NKAIN3: variants seen among roughly 807,000 people sequenced by gnomAD.
NKAIN3 encodes sodium/potassium-transporting ATPase subunit beta-1-interacting protein 3.
A neutral mutation model predicts 30.2 loss-of-function variants in NKAIN3; 25 were observed. The observed-to-expected ratio is 0.83, with a 90% CI of 0.60 to 1.16. The LOEUF is 1.16. NKAIN3 is among the 50% of genes most tolerant of loss of function. NKAIN3 has a pLI of 0.00. For missense variants in NKAIN3, 225 were observed against 254.1 expected (o/e 0.89, Z 0.78); for synonymous variants, 91 against 89.6 (o/e 1.02, Z -0.09).
At chr8:62,918,886 A>G (rs903068137) in intron 5 of NKAIN3, among the ~76,000 whole-genome samples, 3 of 152,156 alleles carry the variant, frequency 2.0e-5, no homozygotes, top group Non-Finnish European at 4.4e-5. Flanking sequence ...GAGTAACAGT[A>G]ATGATATCAA....
intron 1 of NKAIN3, among the ~76,000 whole-genome samples, chr8:62,455,011 G>C (rs1805769636): frequency 6.6e-6 from 1 of 152,146 alleles, no homozygotes. Context: ...CTCATGTCTT[G>C]AGATGCACCA....
chr8:62,435,926 A>G (rs1805158721), intron 1 of NKAIN3, among the ~76,000 whole-genome samples: 1 of 152,224 alleles, frequency 6.6e-6, no homozygotes, highest in Non-Finnish European at 1.5e-5. Flanking sequence ...TTCTTTAGCC[A>G]TTAAATATTC....
chr8:62,866,929 C>A (rs974598090), intron 4 of NKAIN3, among the ~76,000 whole-genome samples: 9 of 149,626 alleles, frequency 6.0e-5, no homozygotes, highest in African/African-American at 2.0e-4. Flanking sequence ...GTGGCGGGTG[C>A]CTGTAGACCC....
chr8:62,600,494 C>A (rs1436226028), intron 3 of NKAIN3, among the ~76,000 whole-genome samples: 1 of 151,924 alleles, frequency 6.6e-6, no homozygotes, highest in Admixed American at 6.6e-5. Context: ...AAATGAGGAA[C>A]CTCATCCAGG....
At chr8:62,744,588 T>C (rs1167742543) in intron 3 of NKAIN3, among the ~76,000 whole-genome samples, 1 of 152,226 alleles carries the variant, frequency 6.6e-6, no homozygotes, top group Non-Finnish European at 1.5e-5. Flanking sequence ...GTGAATTCTA[T>C]TAAGATGAGA....
At chr8:62,769,994 G>C (rs1034886972) in intron 4 of NKAIN3, among the ~76,000 whole-genome samples, 3 of 152,182 alleles carry the variant, frequency 2.0e-5, no homozygotes, top group Admixed American at 1.3e-4. Flanking sequence ...CCTCTTGAGT[G>C]TGAGTAGCAT....
intron 3 of NKAIN3, among the ~76,000 whole-genome samples, chr8:62,741,416 AAGGAAGGC>A (rs1458351010): frequency 8.6e-4 from 110 of 128,394 alleles, no homozygotes; most frequent in Middle Eastern, 7.9e-3. Flanking sequence ...GGAAGGAAGG[AAGGAAGGC>A]AGGCAAGCAA....
chr8:62,933,475 T>C (rs1263747678), intron 5 of NKAIN3, among the ~76,000 whole-genome samples: 1 of 152,134 alleles, frequency 6.6e-6, no homozygotes, highest in Non-Finnish European at 1.5e-5. Flanking sequence ...AAAAAATGTA[T>C]TACATAGGAA....
rs184963988 is a variant in NKAIN3 at position 62,378,928 on chromosome 8, A to G, written c.54+129801A>G. Among the ~76,000 whole-genome samples, 491 of 152,276 alleles carry G rather than the reference A, an allele frequency of 3.2e-3. 3 individuals are homozygous for G. Among genetic ancestry groups the G allele is most frequent in the African/African-American group, 0.011 (459 of 41,556 alleles). On this transcript the variant is annotated intron_variant, in intron 1 of 6. Coordinates refer to ENST00000623646, the MANE Select transcript of NKAIN3 (RefSeq NM_001304533.3). ...CAGAGCCCAGAATGGTAGATCTACC[A>G]ACAGTTTGCACCTTGTGCCTGGAAA...
intron 3 of NKAIN3, among the ~76,000 whole-genome samples, chr8:62,743,441 G>C (rs1269220575): frequency 6.6e-6 from 1 of 152,156 alleles, no homozygotes; most frequent in Non-Finnish European, 1.5e-5. Flanking sequence ...CAAAAGAGAG[G>C]TTAACAAGAG....
At chr8:62,382,558 C>A (rs1817309632) in intron 1 of NKAIN3, among the ~76,000 whole-genome samples, 1 of 152,138 alleles carries the variant, frequency 6.6e-6, no homozygotes, top group South Asian at 2.1e-4. Flanking sequence ...CCACCACTTT[C>A]TTTAGTCCAG....
chr8:62,705,335 C>G (rs968410060), intron 3 of NKAIN3, among the ~76,000 whole-genome samples: 1 of 152,034 alleles, frequency 6.6e-6, no homozygotes, highest in Non-Finnish European at 1.5e-5. Flanking sequence ...GAGGAGAAGA[C>G]CAACTGAACA....
chr8:62,345,394 C>T (rs62509172), intron 1 of NKAIN3, among the ~76,000 whole-genome samples: 107 of 11,286 alleles, frequency 9.5e-3, no homozygotes, highest in African/African-American at 0.022. Flanking sequence ...TATATACACA[C>T]ATATACACAT....
intron 6 of NKAIN3, among the ~76,000 whole-genome samples, chr8:62,961,270 ACT>A (rs1471991324): frequency 2.0e-5 from 3 of 150,352 alleles, no homozygotes; most frequent in Non-Finnish European, 4.4e-5. Context: ...ACAGAGTGAG[ACT>A]CTGTCTCAAA....
Position 62,868,587 on chromosome 8 carries a change from G to A in NKAIN3, c.472-49866G>A, listed in dbSNP as rs564128426. Among the ~76,000 whole-genome samples the A allele has an allele frequency of 3.9e-5, 6 of 152,322 alleles. No individual in the cohort carries two copies. In the South Asian group the frequency reaches 1.2e-3, roughly 32 times the overall value. ...GTAACTTTGATTCAGCCAGTGTACT[G>A]AATAGTCGGCCCTGTGCTTTGGGAC... On this transcript the variant is annotated intron_variant, in intron 4 of 6. Coordinates refer to ENST00000623646, the MANE Select transcript of NKAIN3 (RefSeq NM_001304533.3).
At chr8:62,356,661 A>G (rs1205546918) in intron 1 of NKAIN3, among the ~76,000 whole-genome samples, 2 of 152,092 alleles carry the variant, frequency 1.3e-5, no homozygotes, top group Non-Finnish European at 2.9e-5. Flanking sequence ...TGATCACCTG[A>G]GAGCCTCTTT....
At chr8:62,730,390 A>G (rs1586137893) in intron 3 of NKAIN3, among the ~76,000 whole-genome samples, 2 of 152,090 alleles carry the variant, frequency 1.3e-5, no homozygotes, top group African/African-American at 4.8e-5. Flanking sequence ...TTATTCTAAC[A>G]TCTTTAGTCT....
chr8:62,376,475 T>G (rs1817087695), intron 1 of NKAIN3, among the ~76,000 whole-genome samples: 1 of 152,196 alleles, frequency 6.6e-6, no homozygotes, highest in Non-Finnish European at 1.5e-5. Flanking sequence ...GTACTAAAAT[T>G]CCCACCTTTG....
intron 1 of NKAIN3, among the ~76,000 whole-genome samples, chr8:62,561,051 A>G (rs1295054275): frequency 6.6e-6 from 1 of 152,134 alleles, no homozygotes; most frequent in Non-Finnish European, 1.5e-5. Flanking sequence ...GTTATTGTCT[A>G]AAAGTTTTCT....
Sources: gnomAD v4.1 joint callset for allele counts (sites outside exome capture counted in the v4.1 genomes callset) on GRCh38, gnomAD v4.1.1 for gene constraint, MANE v1.5 for transcripts, NCBI Gene and HGNC (gene_info 2026-07-23, HGNC 2026-07-21) for gene names.